Variants in PRORP observed in about 807,000 individuals in gnomAD.
PRORP encodes protein only RNase P catalytic subunit.
A neutral mutation model predicts 59.4 loss-of-function variants in PRORP; 51 were observed. The observed-to-expected ratio is 0.86, with a 90% CI of 0.69 to 1.08. PRORP has a LOEUF of 1.08. PRORP is among the 50% of genes least tolerant of loss of function. PRORP has a pLI of 0.00. For missense variants in PRORP, 646 were observed against 690.3 expected, an observed-to-expected ratio of 0.94 and a Z score of 0.72; for synonymous variants, 231 against 245.6, an observed-to-expected ratio of 0.94 and a Z score of 0.55.
At chr14:35,234,994 A>G (rs1389929803) in intron 5 of PRORP, among the ~76,000 whole-genome samples, 3 of 151,934 alleles carry the variant, frequency 2.0e-5, no homozygotes, top group Non-Finnish European at 4.4e-5. Context: ...CCTATTTTTA[A>G]TATCTTATAA....
chr14:35,259,924 GT>G lies in PRORP; in HGVS notation c.1276-6802del, dbSNP rs2050856697. The stretch of plus-strand genomic sequence containing the variant: ...TAAATAAAATAAAATAAAATCTATA[GT>G]GTTTTTGAGTGTATCTTTTTGTATA... On this transcript the variant is annotated intron_variant, in intron 5 of 7. Transcript: ENST00000534898. Among the ~76,000 whole-genome samples, 3 of 150,416 alleles carry G rather than the reference GT, an allele frequency of 2.0e-5. No homozygotes were observed. The South Asian group carries it at 6.3e-4, about 32-fold the overall frequency.
chr14:35,185,074 T>C (rs1331831319), intron 5 of PRORP, among the ~76,000 whole-genome samples: 3 of 152,184 alleles, frequency 2.0e-5, no homozygotes, highest in African/African-American at 4.8e-5. Flanking sequence ...GTAGTTCTGC[T>C]TTTAGCACTT....
At chr14:35,231,556 AAACAT>A in intron 5 of PRORP, among the ~76,000 whole-genome samples, 1 of 152,344 alleles carries the variant, frequency 6.6e-6, no homozygotes, top group East Asian at 1.9e-4. Flanking sequence ...TGTGAACAGA[AAACAT>A]ATGGTTAGTA....
chr14:35,276,811 T>G lies in PRORP; in HGVS notation c.*3245T>G, dbSNP rs1473908876. 1 of 152,180 alleles carries G rather than the reference T, an allele frequency of 6.6e-6. No homozygotes were observed. Among genetic ancestry groups the G allele is most frequent in the Non-Finnish European group, 1.5e-5 (1 of 68,030 alleles). 9.4% of individuals were successfully genotyped at this position (152,180 alleles called of 1,614,324 possible). A position where few individuals can be genotyped will look rare whatever the true frequency, so the allele number is the denominator to read the frequency against. On this transcript the variant is annotated 3_prime_UTR_variant, in exon 8 of 8. Coordinates refer to ENST00000534898, the MANE Select transcript of PRORP (RefSeq NM_014672.4). Reference sequence around the variant, plus strand: ...TCTAAAATACTTTGTGCTTCCCCCTTGCATTCTGAATTTATACACTTTTCC... The same window carrying G: ...TCTAAAATACTTTGTGCTTCCCCCTGGCATTCTGAATTTATACACTTTTCC...
intron 4 of PRORP, among the ~76,000 whole-genome samples, chr14:35,142,360 T>C (rs77640302): frequency 1.4e-5 from 2 of 138,556 alleles, no homozygotes; most frequent in East Asian, 2.6e-4. Flanking sequence ...TTTTTTTTTT[T>C]TCCAAGAGAT....
intron 7 of PRORP, 48 bp from the exon 8 acceptor site, chr14:35,273,387 G>A: frequency 6.5e-7 from 1 of 1,534,824 alleles, no homozygotes; most frequent in Non-Finnish European, 8.8e-7. Flanking sequence ...TGGCCAAGTA[G>A]CCCTTTAGTG....
At chr14:35,145,800 T>TTTGA (rs1241623037) in intron 4 of PRORP, among the ~76,000 whole-genome samples, 15 of 119,472 alleles carry the variant, frequency 1.3e-4, no homozygotes, top group African/African-American at 4.1e-4. Flanking sequence ...TTTAATTTTA[T>TTTGA]TTGATTATTT....
chr14:35,143,485 A>G (rs4982243), intron 4 of PRORP, among the ~76,000 whole-genome samples: 4,976 of 145,950 alleles, frequency 0.034, 467 homozygotes, highest in African/African-American at 0.11. Flanking sequence ...TTTATTGAAA[A>G]TAATATAAAA....
intron 5 of PRORP, among the ~76,000 whole-genome samples, chr14:35,224,820 A>G (rs11847715): frequency 0.049 from 7,453 of 151,866 alleles, 326 homozygotes; most frequent in Admixed American, 0.15. Context: ...CCTCCCACCT[A>G]TTTCCTAGGA....
chr14:35,215,413 T>A (rs1472192505), intron 5 of PRORP, among the ~76,000 whole-genome samples: 1 of 151,902 alleles, frequency 6.6e-6, no homozygotes, highest in Admixed American at 6.6e-5. Context: ...ATAAACCAAT[T>A]CCTGATGTTA....
At chr14:35,238,307 A>G (rs1050666612) in intron 5 of PRORP, among the ~76,000 whole-genome samples, 1 of 152,178 alleles carries the variant, frequency 6.6e-6, no homozygotes, top group African/African-American at 2.4e-5. Context: ...GTAATTCCCA[A>G]ACCCACATAT....
chr14:35,132,810 G>A (rs1174013526), intron 4 of PRORP, among the ~76,000 whole-genome samples: 1 of 151,464 alleles, frequency 6.6e-6, no homozygotes, highest in Non-Finnish European at 1.5e-5. Flanking sequence ...AGGGAAGAAG[G>A]AAAGGAAAGG....
chr14:35,181,464 A>G (rs2048603685), intron 5 of PRORP, among the ~76,000 whole-genome samples: 2 of 152,118 alleles, frequency 1.3e-5, no homozygotes, highest in Admixed American at 6.6e-5. Context: ...ATAGCCATTC[A>G]TCTGTAATTA....
intron 5 of PRORP, among the ~76,000 whole-genome samples, chr14:35,196,389 G>T (rs757101490): frequency 1.1e-4 from 16 of 152,176 alleles, no homozygotes; most frequent in Non-Finnish European, 1.8e-4. Context: ...ACCAACTCAG[G>T]AGGCTGAGGC....
chr14:35,151,162 T>A (rs2047735456), intron 4 of PRORP, among the ~76,000 whole-genome samples: 2 of 152,264 alleles, frequency 1.3e-5, no homozygotes, highest in Non-Finnish European at 2.9e-5. Flanking sequence ...CGTCCCAGAG[T>A]GATACACTTT....
chr14:35,183,089 A>G (rs2048655184), intron 5 of PRORP, among the ~76,000 whole-genome samples: 1 of 152,184 alleles, frequency 6.6e-6, no homozygotes. Flanking sequence ...AAAATGAAAA[A>G]CAACATGCTT....
chr14:35,155,032 C>T (rs1220381956), intron 4 of PRORP, among the ~76,000 whole-genome samples: 1 of 152,092 alleles, frequency 6.6e-6, no homozygotes, highest in Non-Finnish European at 1.5e-5. Context: ...GTAGCTAGGA[C>T]TACAGGTGCC....
rs140358245 is a variant in PRORP, at chr14:35,145,609, A to G, written c.1167+17998A>G. The stretch of plus-strand genomic sequence containing the variant: ...GTGGCATGCGTCTGTAGTCCCAGCT[A>G]CTGAGGAGGCTGAGACAGGAGAATT... On this transcript the variant is annotated intron_variant, in intron 4 of 7. Transcript: ENST00000534898. Among the ~76,000 whole-genome samples the G allele has an allele frequency of 6.1e-4, 85 of 139,880 alleles. 18 individuals carry two copies. The East Asian group carries it at 0.019, about 32-fold the overall frequency. The allele number at this position is 139,880 out of a possible 152,430, so 91.8% of individuals were successfully genotyped here. A position where few individuals can be genotyped will look rare whatever the true frequency, so the allele number is the denominator to read the frequency against.
Position 35,124,124 on chromosome 14 carries a change from G to A in PRORP, c.879G>A (p.Lys293=). ...KAFFDFGKDI[K]DDNYSNKLLD... is the part of the protein sequence containing the mutation. ...TCTTTGATTTTGGAAAAGACATAAA[G>A]GATGATAACTATTCAAATAAACTAC... The change falls in exon 2 of 8, where the codon AAG becomes AAA. Residue 293 remains lysine, a synonymous_variant. Coordinates refer to ENST00000534898, the MANE Select transcript of PRORP (RefSeq NM_014672.4). The A allele has an allele frequency of 6.2e-7, 1 of 1,612,588 alleles. No individual in the cohort carries two copies. The highest frequency in any genetic ancestry group is 2.2e-5 in the East Asian group (1 of 44,854).
Sources: allele counts gnomAD v4.1 joint callset (sites outside exome capture counted in the v4.1 genomes callset), GRCh38; gene constraint gnomAD v4.1.1; transcripts MANE v1.5; gene names NCBI Gene and HGNC (gene_info 2026-07-23, HGNC 2026-07-21).